Variants in PLXNC1 observed in about 807,000 individuals in gnomAD.
PLXNC1 encodes plexin-C1.
A neutral mutation model predicts 178.2 loss-of-function variants in PLXNC1; 75 were observed. That is an observed-to-expected ratio of 0.42 (90% CI 0.35 to 0.51). The LOEUF (loss-of-function observed/expected upper bound fraction) is 0.51, where lower values mean the gene tolerates loss of function less well. Among genes scored for constraint, PLXNC1 ranks in the 20% least tolerant of loss-of-function variants. The pLI is 0.02. For missense variants in PLXNC1, 1,503 were observed against 1,984.4 expected, an observed-to-expected ratio of 0.76 and a Z score of 4.61; for synonymous variants, 790 against 779.9, an observed-to-expected ratio of 1.01 and a Z score of -0.22.
intron 5 of PLXNC1, among the ~76,000 whole-genome samples, chr12:94,216,886 T>G (rs1963660204): frequency 6.6e-6 from 1 of 152,190 alleles, no homozygotes. Flanking sequence ...TCCCTCTTTA[T>G]CCAGCTTGAT....
intron 3 of PLXNC1, among the ~76,000 whole-genome samples, chr12:94,184,921 G>A (rs11107433): frequency 0.17 from 25,714 of 152,162 alleles, 2,346 homozygotes; most frequent in Middle Eastern, 0.18. Context: ...AAGGAAACCC[G>A]TTTTGCTTTT....
chr12:94,245,020 G>A (rs1234516844), intron 12 of PLXNC1, among the ~76,000 whole-genome samples: 1 of 152,210 alleles, frequency 6.6e-6, no homozygotes, highest in Non-Finnish European at 1.5e-5. Context: ...CTCCTCAGGA[G>A]CAGTGTGGGT....
chr12:94,212,192 T>G (rs1963491615), intron 5 of PLXNC1, among the ~76,000 whole-genome samples: 2 of 137,864 alleles, frequency 1.5e-5, no homozygotes, highest in Non-Finnish European at 3.0e-5. Context: ...GAGAATGGCG[T>G]GAACCCGGGA....
intron 9 of PLXNC1, among the ~76,000 whole-genome samples, chr12:94,234,511 T>G (rs1241340219): frequency 6.6e-6 from 1 of 152,230 alleles, no homozygotes; most frequent in Non-Finnish European, 1.5e-5. Context: ...TTAAATAAGT[T>G]CAAATTGTGC....
At chr12:94,261,546 C>G (rs947806735) in intron 20 of PLXNC1, among the ~76,000 whole-genome samples, 2 of 152,138 alleles carry the variant, frequency 1.3e-5, no homozygotes, top group African/African-American at 2.4e-5. Context: ...CCTAAGGAAG[C>G]CTCCATAAAT....
chr12:94,221,456 C>T (rs930146253), intron 6 of PLXNC1, among the ~76,000 whole-genome samples: 5 of 151,954 alleles, frequency 3.3e-5, no homozygotes, highest in Admixed American at 2.6e-4. Flanking sequence ...TCAGTAGGTA[C>T]GGTGGGCAGA....
At position 94,232,490 on chromosome 12, in the gene PLXNC1, A is replaced by T. The variant is rs1429394706; in HGVS notation, c.1981-5174A>T. 1.9e-4 allele frequency among the ~76,000 whole-genome samples: 29 copies of T among 152,282 alleles called. No individual in the cohort carries two copies. In the South Asian group the frequency reaches 3.3e-3, roughly 17 times the overall value. The stretch of plus-strand genomic sequence containing the variant: ...AAGAGTGAAATTAAATTTCACATAT[A>T]CCTTGCTGAGTAGCTTCTATGGGCC... On this transcript the variant is annotated intron_variant, in intron 9 of 30. Transcript: ENST00000258526.
chr12:94,180,059 C>T (rs189351234), intron 2 of PLXNC1, among the ~76,000 whole-genome samples: 217 of 152,244 alleles, frequency 1.4e-3, no homozygotes, highest in African/African-American at 4.8e-3. Flanking sequence ...GCTCTTCATA[C>T]CCACACTTCA....
intron 7 of PLXNC1, 123 bp downstream of exon 7, chr12:94,224,438 A>G: frequency 1.5e-6 from 1 of 685,032 alleles, no homozygotes; most frequent in Middle Eastern, 2.6e-4. Context: ...CTTTTGAAGC[A>G]TGGTGTAATG....
At chr12:94,154,635 A>G (rs1565783659) in intron 1 of PLXNC1, among the ~76,000 whole-genome samples, 1 of 152,220 alleles carries the variant, frequency 6.6e-6, no homozygotes, top group Non-Finnish European at 1.5e-5. Flanking sequence ...CCTAACCTGT[A>G]TGGAGCAAGC....
intron 3 of PLXNC1, chr12:94,186,086 A>G: frequency 3.7e-6 from 1 of 272,710 alleles, no homozygotes; most frequent in Non-Finnish European, 7.3e-6. Flanking sequence ...TCTTTAAGAA[A>G]AAAATCTTTT....
rs111553663 is a variant in PLXNC1 at position 94,242,277 on chromosome 12, C to G, written c.2300+1613C>G. On this transcript the variant is annotated intron_variant, in intron 11 of 30. Coordinates refer to ENST00000258526, the MANE Select transcript of PLXNC1 (RefSeq NM_005761.3). ...TCTATGTCTTCACGTGGTCTTCCCTCTGTATCTCTGTCCTAATCTCCCCAA... is the reference window on the plus strand; with the variant it reads ...TCTATGTCTTCACGTGGTCTTCCCTGTGTATCTCTGTCCTAATCTCCCCAA... Among the ~76,000 whole-genome samples the G allele has an allele frequency of 4.8e-3, 700 of 147,222 alleles. 12 individuals are homozygous for G. The highest frequency in any genetic ancestry group is 0.017 in the African/African-American group (665 of 39,550).
At chr12:94,282,618 A>AT (rs940223841) in intron 23 of PLXNC1, among the ~76,000 whole-genome samples, 1 of 152,162 alleles carries the variant, frequency 6.6e-6, no homozygotes, top group African/African-American at 2.4e-5. Flanking sequence ...GAAGGCTATG[A>AT]TTTTCTATCT....
chr12:94,231,309 A>G (rs1372691954), intron 9 of PLXNC1, among the ~76,000 whole-genome samples: 1 of 152,166 alleles, frequency 6.6e-6, no homozygotes, highest in Non-Finnish European at 1.5e-5. Context: ...GGTAGGAGCC[A>G]GAAGATTCCA....
Position 94,254,817 on chromosome 12 carries a change from A to G in PLXNC1, c.2912A>G (p.Lys971Arg). ...AAVGVTRHKSKELSRKQSQQL... is the reference protein window; with the variant it reads ...AAVGVTRHKSRELSRKQSQQL... ...GTGGGGGTGACCAGGCACAAATCGA[A>G]GGAGCTGAGTCGCAAACAGAGTCAA... The change falls in exon 16 of 31, where the codon AAG (lysine) becomes AGG (arginine). Residue 971 changes from lysine (K) to arginine (R), a missense_variant. Lys to Arg is a conservative substitution (Grantham distance 26). Around this residue, in one of 4 missense-constraint regions of PLXNC1, gnomAD observed 639 missense variants for 979.7 expected, o/e 0.65. Coordinates refer to ENST00000258526, the MANE Select transcript of PLXNC1 (RefSeq NM_005761.3). 6 of 1,607,978 alleles carry G rather than the reference A, an allele frequency of 3.7e-6. No homozygotes were observed. Among genetic ancestry groups the G allele is most frequent in the Non-Finnish European group, 5.1e-6 (6 of 1,178,562 alleles).
chr12:94,207,023 A>T (rs1037159147), intron 4 of PLXNC1, among the ~76,000 whole-genome samples: 5 of 152,220 alleles, frequency 3.3e-5, no homozygotes, highest in Admixed American at 3.3e-4. Context: ...GAGCTATAAG[A>T]TCTGCTCTGT....
chr12:94,206,701 G>C (rs1396796437), intron 4 of PLXNC1, among the ~76,000 whole-genome samples: 5 of 152,190 alleles, frequency 3.3e-5, no homozygotes, highest in African/African-American at 7.2e-5. Flanking sequence ...GTAATAGTAA[G>C]TCAAGAAAGC....
chr12:94,188,248 T>A (rs2135970374), intron 4 of PLXNC1, among the ~76,000 whole-genome samples: 1 of 151,180 alleles, frequency 6.6e-6, no homozygotes, highest in Non-Finnish European at 1.5e-5. Flanking sequence ...GAAGCTTTAC[T>A]GAGAAAGGCA....
At chr12:94,210,063 C>T (rs969030215) in intron 5 of PLXNC1, among the ~76,000 whole-genome samples, 5 of 151,274 alleles carry the variant, frequency 3.3e-5, no homozygotes, top group African/African-American at 1.2e-4. Flanking sequence ...GATTCATGGT[C>T]AACGAGATAC....
Sources: gnomAD v4.1 joint callset for allele counts (sites outside exome capture counted in the v4.1 genomes callset) on GRCh38, gnomAD v4.1.1 for gene constraint, gnomAD v4.1.1 regional missense constraint, MANE v1.5 for transcripts, NCBI Gene and HGNC (gene_info 2026-07-23, HGNC 2026-07-21) for gene names.